CEP170B: variants seen among roughly 807,000 people sequenced by gnomAD.
CEP170B encodes centrosomal protein of 170 kDa protein B.
CEP170B carries 55 observed loss-of-function variants against 120.6 expected under a neutral mutation model. The ratio of observed to expected loss-of-function variants is 0.46; its 90% CI spans 0.37 to 0.57. CEP170B has a LOEUF of 0.57. CEP170B is among the 20% of genes least tolerant of loss of function. The pLI, the probability that CEP170B is intolerant of heterozygous loss-of-function variation, is 0.00. For missense variants in CEP170B, 2,212 were observed against 2,253.3 expected (o/e 0.98, Z 0.37); for synonymous variants, 1,033 against 954.5 (o/e 1.08, Z -1.52).
intron 2 of CEP170B, among the ~76,000 whole-genome samples, chr14:104,872,168 TGTGTGTGC>T (rs1566851869): frequency 4.5e-5 from 6 of 134,638 alleles, no homozygotes; most frequent in African/African-American, 1.7e-4. Flanking sequence ...GTGTGCCGCG[TGTGTGTGC>T]GTGTGTGTGC....
chr14:104,868,498 C>G lies in CEP170B; in HGVS notation c.48C>G (p.His16Gln). The change falls in exon 2 of 19, where the codon CAC (histidine) becomes CAG (glutamine). Residue 16 changes from histidine (H) to glutamine (Q), a missense_variant. Transcript: ENST00000414716. The surrounding 1 kb of genome is among the most constrained non-coding windows in gnomAD (Gnocchi z 5.9). ...TGGTGAGCAGCAGCGGCGCCCGCCA[C>G]CGGCTCCCTCGGGAGCTCATCTTCG... ...WFLVSSSGAR[H>Q]RLPRELIFVG... The G allele has an allele frequency of 6.5e-7, 1 of 1,549,610 alleles. No homozygotes were observed. The highest frequency in any genetic ancestry group is 8.7e-7 in the Non-Finnish European group (1 of 1,146,928).
At chr14:104,893,377 T>C in intron 14 of CEP170B, 146 bp from the exon 15 acceptor site, 1 of 1,127,680 alleles carries the variant, frequency 8.9e-7, no homozygotes, top group South Asian at 1.6e-5. Context: ...GCTGCCTCCA[T>C]GGCGGGGCAG....
rs771650406 is a variant in CEP170B, at chr14:104,887,132, C to T, written c.2893C>T (p.Arg965Cys). ...GGACACAGCCAGCACCGTCAGCCTG[C>T]GTAGTGGCAAGAGCGGGCCCAGCCC... ...DVDTASTVSL[R>C]SGKSGPSPTT... The change falls in exon 12 of 19, where the codon CGT (arginine) becomes TGT (cysteine). Residue 965 changes from arginine (R) to cysteine (C), a missense_variant. Physicochemically the swap from Arg to Cys is radical, Grantham distance 180. This residue lies in a region of CEP170B where 2,166 missense variants were observed against 2,166.7 expected (regional missense o/e 1.00). Coordinates refer to ENST00000414716, the MANE Select transcript of CEP170B (RefSeq NM_001112726.3). The T allele has an allele frequency of 5.2e-5, 83 of 1,610,368 alleles. No homozygotes were observed. In the Middle Eastern group the frequency reaches 2.1e-3, roughly 42 times the overall value.
rs774917335 is a variant in CEP170B, at chr14:104,887,695, C to G, written c.3456C>G (p.Pro1152=). 6.3e-7 allele frequency: 1 copy of G among 1,584,388 alleles called. No individual in the cohort carries two copies. Among genetic ancestry groups the G allele is most frequent in the African/African-American group, 1.3e-5 (1 of 74,504 alleles). ...GGGGGTCCCTGGGCAACCCTGAGCC[C>G]GTGGGCCGGCCAGCTGCTGAGCAGG... ...GERGSLGNPE[P]VGRPAAEQAK... Residue 1152 remains proline, a synonymous_variant, in exon 12 of 19, where the codon CCC becomes CCG. Coordinates refer to ENST00000414716, the MANE Select transcript of CEP170B (RefSeq NM_001112726.3).
chr14:104,885,555 A>G lies in CEP170B; in HGVS notation c.1944+13A>G, dbSNP rs1354415332. On this transcript the variant is annotated intron_variant, in intron 10 of 18. Transcript: ENST00000414716. Reference sequence around the variant, plus strand: ...GGCGGAGCACCAGGTACAGGCACAGACGGCCACCCCAAGGAGGGGCTGGGC... The same window carrying G: ...GGCGGAGCACCAGGTACAGGCACAGGCGGCCACCCCAAGGAGGGGCTGGGC... 4.5e-6 allele frequency: 7 copies of G among 1,546,720 alleles called. No individual in the cohort carries two copies. Among genetic ancestry groups the G allele is most frequent in the Non-Finnish European group, 6.1e-6 (7 of 1,153,418 alleles).
intron 16 of CEP170B, 106 bp from the exon 17 acceptor site, chr14:104,894,179 G>A: frequency 2.2e-6 from 2 of 909,424 alleles, no homozygotes; most frequent in Non-Finnish European, 3.6e-6. Flanking sequence ...GCCCAGGTGG[G>A]CTGGGATGAA....
intron 6 of CEP170B, among the ~76,000 whole-genome samples, chr14:104,880,650 G>A (rs372157694): frequency 1.3e-5 from 2 of 149,694 alleles, no homozygotes; most frequent in African/African-American, 2.5e-5. Flanking sequence ...ACACCTACCC[G>A]TGCATGCCTG....
intron 6 of CEP170B, 104 bp downstream of exon 6, chr14:104,880,529 C>A: frequency 6.8e-7 from 1 of 1,471,886 alleles, no homozygotes; most frequent in Non-Finnish European, 9.2e-7. Flanking sequence ...ATGCATATAC[C>A]ATGTACACCC....
intron 3 of CEP170B, 33 bp from the exon 4 acceptor site, chr14:104,877,833 GCCACCCACCCGCGCAGCTC>G: frequency 2.8e-6 from 1 of 359,796 alleles, no homozygotes; most frequent in Non-Finnish European, 4.4e-6. Flanking sequence ...CCTGCCCACA[GCCACCCACCCGCGCAGCTC>G]CCCCCCCCCC....
rs3742940 is a variant in CEP170B, at chr14:104,893,219, C to T, written c.4038+84C>T. ...CAGGTCCCCACAGCCCTTTGCATGC[C>T]TCGGCTGAGGCCCTGCTGCACATCC... On this transcript the variant is annotated intron_variant, in intron 14 of 18. Transcript: ENST00000414716. 402 of 1,426,918 alleles carry T rather than the reference C, an allele frequency of 2.8e-4. 3 individuals carry two copies. The East Asian group carries it at 8.2e-3, about 29-fold the overall frequency. The allele number at this position is 1,426,918 out of a possible 1,614,324, so 88.4% of individuals were successfully genotyped here.
At chr14:104,885,909 G>A (rs1409449077) in intron 10 of CEP170B, 131 bp from the exon 11 acceptor site, 26 of 823,338 alleles carry the variant, frequency 3.2e-5, no homozygotes, top group East Asian at 1.1e-4. Context: ...TTGCTCATGC[G>A]GCAGGCCCTG....
rs756159243 is a variant in CEP170B at position 104,884,241 on chromosome 14, C to T, written c.1462C>T (p.Arg488Cys). 1.4e-5 allele frequency: 22 copies of T among 1,544,610 alleles called. No homozygotes were observed. Among genetic ancestry groups the T allele is most frequent in the African/African-American group, 9.6e-5 (7 of 73,078 alleles). The change falls in exon 9 of 19, where the codon CGC (arginine) becomes TGC (cysteine). Residue 488 changes from arginine (R) to cysteine (C), a missense_variant. By Grantham distance (180) the Arg-to-Cys change is radical (BLOSUM62 -3). This residue lies in a region of CEP170B where 2,166 missense variants were observed against 2,166.7 expected (regional missense o/e 1.00). Transcript: ENST00000414716. The stretch of plus-strand genomic sequence containing the variant: ...CTCGCCCGCCTCCCGAACCCCTGCC[C>T]GCCCCTTCGGAAGCGTGGGGCGCCG... ...SPSPASRTPARPFGSVGRRSR... is the reference protein window; with the variant it reads ...SPSPASRTPACPFGSVGRRSR...
rs760545423 is a variant in CEP170B at position 104,894,307 on chromosome 14, A to G, written c.4294A>G (p.Arg1432Gly). 8.7e-6 allele frequency: 14 copies of G among 1,613,362 alleles called. No individual in the cohort carries two copies. In the East Asian group the frequency reaches 8.9e-5, roughly 10 times the overall value. Residue 1432 changes from arginine to glycine, a missense_variant, in exon 17 of 19, where the codon AGA becomes GGA. By Grantham distance (125) the Arg-to-Gly change is moderately radical (BLOSUM62 -2). Transcript: ENST00000414716. ...CAGGATCCTCTTTCAGAACACAGGG[A>G]GAGCTTGGGAGGACCTGGAAGCCAG... ...KMKILFQNTG[R>G]AWEDLEARIN... is the part of the protein sequence containing the mutation.
intron 12 of CEP170B, among the ~76,000 whole-genome samples, chr14:104,888,293 A>G (rs945500712): frequency 6.6e-6 from 1 of 151,358 alleles, no homozygotes; most frequent in African/African-American, 2.4e-5. Context: ...CTCTTCCTGT[A>G]CTCCTGGCTC....
chr14:104,886,207 G>C, intron 11 of CEP170B, 68 bp from the exon 12 acceptor site: 1 of 1,470,844 alleles, frequency 6.8e-7, no homozygotes, highest in Admixed American at 2.4e-5. Flanking sequence ...GACACAGGCT[G>C]CCTCTTCCTG....
Position 104,896,621 on chromosome 14 carries a change from G to A in CEP170B, c.*1663G>A, listed in dbSNP as rs972998946. 7 of 456,026 alleles carry A rather than the reference G, an allele frequency of 1.5e-5. No homozygotes were observed. The highest frequency in any genetic ancestry group is 4.7e-5 in the Admixed American group (2 of 42,550). The allele number at this position is 456,026 out of a possible 1,614,324, so 28.2% of individuals were successfully genotyped here. A position where few individuals can be genotyped will look rare whatever the true frequency, so the allele number is the denominator to read the frequency against. ...GCCTGGGAACTGGTCCTTGTTTGCC[G>A]GGCTTCTCGGAGGGTTCACTGTACA... On this transcript the variant is annotated 3_prime_UTR_variant, in exon 19 of 19. Coordinates refer to ENST00000414716, the MANE Select transcript of CEP170B (RefSeq NM_001112726.3).
chr14:104,893,861 T>C lies in CEP170B; in HGVS notation c.4271+12T>C, dbSNP rs746211177. 5 of 1,608,502 alleles carry C rather than the reference T, an allele frequency of 3.1e-6. No homozygotes were observed. Among genetic ancestry groups the C allele is most frequent in the Non-Finnish European group, 4.2e-6 (5 of 1,177,718 alleles). On this transcript the variant is annotated intron_variant, in intron 16 of 18. Coordinates refer to ENST00000414716, the MANE Select transcript of CEP170B (RefSeq NM_001112726.3). ...GCCGAGAAGATGAAGTGAGTCGGCT[T>C]CCTGGCTGAGGTGGACGCCCAGACA... is the stretch of plus-strand genomic sequence containing the variant.
rs1002267883 is a variant in CEP170B, at chr14:104,891,828, G to C, written c.3879-1148G>C. 1.3e-5 allele frequency among the ~76,000 whole-genome samples: 2 copies of C among 152,188 alleles called. No individual in the cohort carries two copies. Among genetic ancestry groups the C allele is most frequent in the African/African-American group, 4.8e-5 (2 of 41,432 alleles). ...GCCTGAGGGCCAGGGGCATGTGCCA[G>C]TTGGTGTCACCCAGAGGTGGAGGGA... is the stretch of plus-strand genomic sequence containing the variant. On this transcript the variant is annotated intron_variant, in intron 13 of 18. Coordinates refer to ENST00000414716, the MANE Select transcript of CEP170B (RefSeq NM_001112726.3). The surrounding 1 kb of genome is among the most constrained non-coding windows in gnomAD (Gnocchi z 4.3).
intron 3 of CEP170B, 113 bp from the exon 4 acceptor site, chr14:104,877,772 C>G: frequency 1.4e-6 from 1 of 696,184 alleles, no homozygotes; most frequent in Non-Finnish European, 2.5e-6. Flanking sequence ...GTTGGTGCCC[C>G]CGCGGCCCTG....
Sources: gnomAD v4.1 joint callset for allele counts (sites outside exome capture counted in the v4.1 genomes callset) on GRCh38, gnomAD v4.1.1 for gene constraint, gnomAD v4.1.1 regional missense constraint, Gnocchi (gnomAD v3.1) non-coding constraint, MANE v1.5 for transcripts, NCBI Gene and HGNC (gene_info 2026-07-23, HGNC 2026-07-21) for gene names.